Variants in C8orf89 observed in about 807,000 individuals in gnomAD.
C8orf89 encodes the protein putative uncharacterized protein C8orf89.
Under a neutral mutation model 15.8 loss-of-function variants are expected in C8orf89, and 14 were observed. The ratio of observed to expected loss-of-function variants is 0.89; its 90% CI spans 0.59 to 1.39. The LOEUF is 1.39. Ranked by LOEUF, C8orf89 falls within the 40% of genes most tolerant of loss-of-function variation. C8orf89 has a pLI of 0.00. For synonymous variants in C8orf89, 55 were observed against 62.2 expected (o/e 0.88, Z 0.54); for missense variants, 181 against 184.5 (o/e 0.98, Z 0.11).
intron 3 of C8orf89, among the ~76,000 whole-genome samples, chr8:73,248,134 G>A (rs779880397): frequency 6.6e-6 from 1 of 152,010 alleles, no homozygotes; most frequent in Non-Finnish European, 1.5e-5. Context: ...TAAGAAAGGG[G>A]TCCAGTTTTA....
At chr8:73,266,324 A>G in the C8orf89 span, among the ~76,000 whole-genome samples, 1 of 152,204 alleles carries the variant, frequency 6.6e-6, no homozygotes, top group Non-Finnish European at 1.5e-5. Context: ...AGATGGAGCA[A>G]TCTATGAAGC....
the C8orf89 span, among the ~76,000 whole-genome samples, chr8:73,271,955 C>T: frequency 6.6e-6 from 1 of 152,212 alleles, no homozygotes; most frequent in Non-Finnish European, 1.5e-5. Context: ...AATTCTCAAG[C>T]AAGAATCTTC....
intron 1 of C8orf89, among the ~76,000 whole-genome samples, chr8:73,257,437 C>A (rs962047762): frequency 6.6e-6 from 1 of 152,168 alleles, no homozygotes; most frequent in East Asian, 1.9e-4. Flanking sequence ...ATATTAGATA[C>A]CTTCACACTG....
chr8:73,244,106 A>G (rs1474314952), intron 3 of C8orf89, among the ~76,000 whole-genome samples: 1 of 152,234 alleles, frequency 6.6e-6, no homozygotes, highest in Non-Finnish European at 1.5e-5. Context: ...TCTTCAAATA[A>G]AAACATTTCT....
At chr8:73,253,003 C>T (rs573010134) in intron 2 of C8orf89, among the ~76,000 whole-genome samples, 3 of 152,274 alleles carry the variant, frequency 2.0e-5, no homozygotes, top group African/African-American at 4.8e-5. Context: ...GTTAGCCGGG[C>T]GTGGTGGCGG....
the C8orf89 span, among the ~76,000 whole-genome samples, chr8:73,275,667 C>T: frequency 6.6e-6 from 1 of 152,066 alleles, no homozygotes; most frequent in Non-Finnish European, 1.5e-5. Flanking sequence ...TATGCTTTCC[C>T]CATTTTTGTA....
chr8:73,281,837 AAT>A, the C8orf89 span, among the ~76,000 whole-genome samples: 1 of 152,218 alleles, frequency 6.6e-6, no homozygotes, highest in Non-Finnish European at 1.5e-5. Flanking sequence ...GAGCCAATGT[AAT>A]GTGTAACACT....
chr8:73,252,378 A>G (rs914570561), intron 2 of C8orf89, among the ~76,000 whole-genome samples: 5 of 152,220 alleles, frequency 3.3e-5, no homozygotes, highest in African/African-American at 9.6e-5. Flanking sequence ...TAAAGTTTTT[A>G]AAAAGGCAGG....
the C8orf89 span, among the ~76,000 whole-genome samples, chr8:73,271,925 A>G: frequency 2.0e-5 from 3 of 152,256 alleles, no homozygotes; most frequent in African/African-American, 7.2e-5. Flanking sequence ...GCCAAACCAT[A>G]TAACCTAGTA....
At chr8:73,258,042 A>C (rs2130287373) in intron 1 of C8orf89, among the ~76,000 whole-genome samples, 1 of 152,314 alleles carries the variant, frequency 6.6e-6, no homozygotes. Flanking sequence ...CTGGTAAGAA[A>C]GTTGAAGAAA....
chr8:73,268,338 G>A, the C8orf89 span, among the ~76,000 whole-genome samples: 4 of 152,022 alleles, frequency 2.6e-5, no homozygotes. Flanking sequence ...AATTAGCCAG[G>A]TGTGGTGGCA....
chr8:73,249,913 G>A (rs984550579), intron 3 of C8orf89, among the ~76,000 whole-genome samples: 1 of 152,144 alleles, frequency 6.6e-6, no homozygotes, highest in Non-Finnish European at 1.5e-5. Flanking sequence ...TGTGGGTAAC[G>A]AGGGAGTCAT....
intron 1 of C8orf89, among the ~76,000 whole-genome samples, chr8:73,258,910 C>A (rs1813467341): frequency 6.6e-6 from 1 of 152,090 alleles, no homozygotes. Flanking sequence ...AAATTACAGG[C>A]TAAGCCACTG....
chr8:73,260,504 G>A (rs1431090690), upstream of C8orf89, among the ~76,000 whole-genome samples: 1 of 152,118 alleles, frequency 6.6e-6, no homozygotes, highest in Non-Finnish European at 1.5e-5. Flanking sequence ...CCTGCACGTT[G>A]TGCACATGTA....
the C8orf89 span, among the ~76,000 whole-genome samples, chr8:73,268,262 G>C: frequency 6.6e-6 from 1 of 152,028 alleles, no homozygotes; most frequent in African/African-American, 2.4e-5. Context: ...GGCAGATCAC[G>C]AGGTCAGGAG....
chr8:73,279,033 A>G, the C8orf89 span, among the ~76,000 whole-genome samples: 1 of 152,160 alleles, frequency 6.6e-6, no homozygotes, highest in Non-Finnish European at 1.5e-5. Flanking sequence ...ACATTTTCCC[A>G]GTCCTTCTGC....
chr8:73,248,623 T>C (rs995663021), intron 3 of C8orf89, among the ~76,000 whole-genome samples: 2 of 152,190 alleles, frequency 1.3e-5, no homozygotes, highest in African/African-American at 4.8e-5. Context: ...ATTTGAGCAG[T>C]GTTTTGTAGT....
At chr8:73,282,069 G>A in the C8orf89 span, among the ~76,000 whole-genome samples, 3 of 152,182 alleles carry the variant, frequency 2.0e-5, no homozygotes, top group Non-Finnish European at 4.4e-5. Flanking sequence ...AAAATGTTGG[G>A]ATCTGTTTGT....
At chr8:73,269,378 G>T in the C8orf89 span, among the ~76,000 whole-genome samples, 1 of 152,138 alleles carries the variant, frequency 6.6e-6, no homozygotes, top group Admixed American at 6.5e-5. Flanking sequence ...ATGAAAAGAT[G>T]AAAACCTCTC....
Sources: gnomAD v4.1 joint callset for allele counts (sites outside exome capture counted in the v4.1 genomes callset) on GRCh38, gnomAD v4.1.1 for gene constraint, MANE v1.5 for transcripts, NCBI Gene and HGNC (gene_info 2026-07-23, HGNC 2026-07-21) for gene names.